The following MXI1 variants were observed in gnomAD, a reference collection of about 807,000 sequenced individuals.
The protein encoded by MXI1 is MAX interactor 1, dimerization protein, also known as max-interacting protein 1.
Under a neutral mutation model 36.9 loss-of-function variants are expected in MXI1, and 18 were observed. The ratio of observed to expected loss-of-function variants is 0.49; its 90% CI spans 0.34 to 0.72. MXI1 has a LOEUF of 0.72. MXI1 is among the 30% of genes least tolerant of loss of function. The pLI is 0.01. For missense variants in MXI1, 304 were observed against 379.1 expected, an observed-to-expected ratio of 0.80 and a Z score of 1.64; for synonymous variants, 160 against 146.7, an observed-to-expected ratio of 1.09 and a Z score of -0.65.
At chr10:110,268,068 A>G (rs1376802025) in intron 3 of MXI1, among the ~76,000 whole-genome samples, 4 of 152,220 alleles carry the variant, frequency 2.6e-5, no homozygotes, top group African/African-American at 9.6e-5. Flanking sequence ...GTAGTGGTCA[A>G]TATGTTCTTG....
At chr10:110,258,661 A>C (rs1431721529) in intron 3 of MXI1, among the ~76,000 whole-genome samples, 1 of 152,168 alleles carries the variant, frequency 6.6e-6, no homozygotes, top group African/African-American at 2.4e-5. Flanking sequence ...AGAGATAGGC[A>C]CCTGTTAGAG....
rs1360209912 is a variant in MXI1, at chr10:110,284,933, T to C, written c.834T>C (p.Ile278=). 4.3e-6 allele frequency: 7 copies of C among 1,614,084 alleles called. No homozygotes were observed. The highest frequency in any genetic ancestry group is 5.9e-6 in the Non-Finnish European group (7 of 1,180,010). The change falls in exon 6 of 6, where the codon ATT becomes ATC. Residue 278 remains isoleucine (I), a synonymous_variant. Transcript: ENST00000332674. ...ATGACCACAGCAGCCTGCCGAGTAT[T>C]GGGAGTGACGAGGGTTACTCCAGTG... ...DIDDHSSLPS[I]GSDEGYSSAS...
At chr10:110,239,947 T>A (rs1167113773) in intron 2 of MXI1, among the ~76,000 whole-genome samples, 1 of 152,028 alleles carries the variant, frequency 6.6e-6, no homozygotes, top group Non-Finnish European at 1.5e-5. Context: ...CTTTTTTTTT[T>A]AATTCCAACT....
intron 1 of MXI1, chr10:110,210,277 G>A (rs1304766636): frequency 1.0e-6 from 1 of 984,968 alleles, no homozygotes; most frequent in African/African-American, 1.8e-5. Flanking sequence ...CCCCGAGAGG[G>A]GTTTGGAACC....
intron 2 of MXI1, among the ~76,000 whole-genome samples, chr10:110,231,505 A>G (rs1262444197): frequency 6.6e-6 from 1 of 152,210 alleles, no homozygotes; most frequent in African/African-American, 2.4e-5. Flanking sequence ...TAAATGATAT[A>G]ATGTGATATT....
chr10:110,215,466 T>C (rs1463961884), intron 1 of MXI1, among the ~76,000 whole-genome samples: 1 of 152,198 alleles, frequency 6.6e-6, no homozygotes, highest in Non-Finnish European at 1.5e-5. Flanking sequence ...GGACACTGGC[T>C]TGCCCAAGAT....
rs1414450028 is a variant in MXI1 at position 110,285,652 on chromosome 10, T to C, written c.*665T>C. 6.6e-6 allele frequency: 1 copy of C among 152,280 alleles called. No homozygotes were observed. The highest frequency in any genetic ancestry group is 2.4e-5 in the African/African-American group (1 of 41,448). 9.4% of individuals were successfully genotyped at this position (152,280 alleles called of 1,614,324 possible). A position where few individuals can be genotyped will look rare whatever the true frequency, so the allele number is the denominator to read the frequency against. On this transcript the variant is annotated 3_prime_UTR_variant, in exon 6 of 6. Coordinates refer to ENST00000332674, the MANE Select transcript of MXI1 (RefSeq NM_130439.3). ...GGATTCCATGCTAAGCAAGCTAACC[T>C]TATCCTGCATTGTTAGCACTAGGCA... is the stretch of plus-strand genomic sequence containing the variant.
At chr10:110,249,364 G>A (rs1336454341) in intron 3 of MXI1, among the ~76,000 whole-genome samples, 2 of 151,550 alleles carry the variant, frequency 1.3e-5, no homozygotes, top group Non-Finnish European at 2.9e-5. Context: ...CTCTGAGTTA[G>A]ATAAGCTGGA....
At chr10:110,225,919 A>T in intron 1 of MXI1, 1 of 716,824 alleles carries the variant, frequency 1.4e-6, no homozygotes, top group Non-Finnish European at 1.6e-6. Context: ...TACATTTCCC[A>T]GGGGGCAGAG....
chr10:110,241,560 T>C (rs1855670751), intron 2 of MXI1, among the ~76,000 whole-genome samples: 1 of 151,832 alleles, frequency 6.6e-6, no homozygotes, highest in Non-Finnish European at 1.5e-5. Context: ...GGCATCTCTC[T>C]CTGTAATATA....
rs11195045 is a variant in MXI1 at position 110,249,427 on chromosome 10, A to G, written c.437+4570A>G. 2.2e-3 allele frequency among the ~76,000 whole-genome samples: 342 copies of G among 152,162 alleles called. 13 individuals are homozygous for G. In the East Asian group the frequency reaches 0.047, roughly 21 times the overall value. On this transcript the variant is annotated intron_variant, in intron 3 of 5. Transcript: ENST00000332674. ...ACTGATTACAGTACATTAAATACAA[A>G]AATTAGACAGGCATGGTGGTGCATC...
At chr10:110,236,424 T>G (rs985100005) in intron 2 of MXI1, among the ~76,000 whole-genome samples, 5 of 152,080 alleles carry the variant, frequency 3.3e-5, no homozygotes, top group African/African-American at 1.2e-4. Context: ...AAAAGTTCCT[T>G]TGGCTATTCT....
intron 3 of MXI1, among the ~76,000 whole-genome samples, chr10:110,278,921 G>A (rs1857139583): frequency 6.6e-6 from 1 of 152,082 alleles, no homozygotes; most frequent in South Asian, 2.1e-4. Flanking sequence ...TTTATGGGGT[G>A]AGTTAAAAAA....
At chr10:110,273,204 C>T (rs542649354) in intron 3 of MXI1, among the ~76,000 whole-genome samples, 7 of 151,804 alleles carry the variant, frequency 4.6e-5, no homozygotes, top group East Asian at 3.9e-4. Flanking sequence ...TGTGCCACCA[C>T]GCCTGGCTAA....
chr10:110,235,245 C>T (rs1395217978), intron 2 of MXI1, among the ~76,000 whole-genome samples: 2 of 152,198 alleles, frequency 1.3e-5, no homozygotes, highest in Admixed American at 6.5e-5. Context: ...AGCAAATATT[C>T]TCCAAAGGAA....
chr10:110,270,548 C>T (rs1856824345), intron 3 of MXI1, among the ~76,000 whole-genome samples: 2 of 151,904 alleles, frequency 1.3e-5, no homozygotes, highest in South Asian at 4.1e-4. Context: ...TAGTCTTCAA[C>T]TTAGCAAGCA....
intron 1 of MXI1, among the ~76,000 whole-genome samples, chr10:110,209,797 T>G (rs1430746086): frequency 6.6e-6 from 1 of 152,042 alleles, no homozygotes; most frequent in Non-Finnish European, 1.5e-5. Context: ...AGGGGCGCGA[T>G]TTCTTCAGCT....
chr10:110,226,185 G>C (rs1854959622), intron 1 of MXI1: 5 of 1,467,430 alleles, frequency 3.4e-6, no homozygotes, highest in Non-Finnish European at 4.5e-6. Flanking sequence ...AGTGCGGAGA[G>C]GCGCCGGTCG....
At chr10:110,258,896 C>T (rs1394389385) in intron 3 of MXI1, among the ~76,000 whole-genome samples, 3 of 150,602 alleles carry the variant, frequency 2.0e-5, no homozygotes, top group African/African-American at 5.0e-5. Context: ...ACATATACAG[C>T]AAGGTGACAG....
Sources: gnomAD v4.1 joint callset for allele counts (sites outside exome capture counted in the v4.1 genomes callset) on GRCh38, gnomAD v4.1.1 for gene constraint, MANE v1.5 for transcripts, NCBI Gene and HGNC (gene_info 2026-07-23, HGNC 2026-07-21) for gene names.